The following PAX8 variants were observed in gnomAD, a reference collection of about 807,000 sequenced individuals.
PAX8 encodes the protein paired box protein Pax-8.
Under a neutral mutation model 52.4 loss-of-function variants are expected in PAX8, and 15 were observed. That is an observed-to-expected ratio of 0.29 (90% CI 0.19 to 0.44). The LOEUF is 0.44. PAX8 is among the 20% of genes least tolerant of loss of function. PAX8 has a pLI of 1.00. For synonymous variants in PAX8, 284 were observed against 249.7 expected (o/e 1.14, Z -1.29); for missense variants, 554 against 602.5 (o/e 0.92, Z 0.84).
At chr2:113,274,512 C>T (rs1191703398) in intron 2 of PAX8, 1 of 152,234 alleles carries the variant, frequency 6.6e-6, no homozygotes, top group African/African-American at 2.4e-5. Flanking sequence ...GCTACCTTCT[C>T]CCTTTCTTTC....
rs377714129 is a variant in PAX8, at chr2:113,236,590, G to A, written c.898+11C>T. 105 of 1,560,518 alleles carry A rather than the reference G, an allele frequency of 6.7e-5. No homozygotes were observed. The highest frequency in any genetic ancestry group is 1.8e-5 in the Non-Finnish European group (21 of 1,153,974). The stretch of plus-strand genomic sequence containing the variant: ...GCCCTCCACCTGCCAGGGAGGCTCC[G>A]GGCGTTGTACCTGCCACCACGGGGT... On this transcript the variant is annotated intron_variant, in intron 8 of 11. Transcript: ENST00000429538.
intron 2 of PAX8, among the ~76,000 whole-genome samples, chr2:113,252,429 G>C (rs915534634): frequency 6.6e-6 from 1 of 152,182 alleles, no homozygotes; most frequent in Non-Finnish European, 1.5e-5. Flanking sequence ...GTAAAGGCCA[G>C]GGTCTGTGCC....
intron 9 of PAX8, among the ~76,000 whole-genome samples, chr2:113,230,839 T>A (rs1689846834): frequency 6.6e-6 from 1 of 152,236 alleles, no homozygotes; most frequent in Non-Finnish European, 1.5e-5. Context: ...TTTAAGACTC[T>A]TCATCATAAA....
intron 2 of PAX8, chr2:113,273,272 G>C (rs2104607269): frequency 6.6e-6 from 1 of 152,404 alleles, no homozygotes; most frequent in South Asian, 2.1e-4. Context: ...AGCAGGCTGG[G>C]GGACCAGAAC....
Position 113,264,079 on chromosome 2 carries a change from A to C in PAX8, c.25+14291T>G, listed in dbSNP as rs564089435. On this transcript the variant is annotated intron_variant, in intron 2 of 11. Coordinates refer to ENST00000429538, the MANE Select transcript of PAX8 (RefSeq NM_003466.4). ...TTCCCAGTCTGCAGGAATTACAGGA[A>C]TCTTGTAATCTTTTATCCTCACAGA... is the stretch of plus-strand genomic sequence containing the variant. Among the ~76,000 whole-genome samples the C allele has an allele frequency of 1.8e-3, 274 of 152,330 alleles. 1 individual carries two copies. The highest frequency in any genetic ancestry group is 6.4e-3 in the African/African-American group (266 of 41,574).
Position 113,218,463 on chromosome 2 carries a change from G to T in PAX8, c.*70C>A. 1.1e-5 allele frequency: 9 copies of T among 813,716 alleles called. No individual in the cohort carries two copies. The highest frequency in any genetic ancestry group is 1.7e-5 in the African/African-American group (1 of 57,184). 50.4% of individuals were successfully genotyped at this position (813,716 alleles called of 1,614,324 possible). ...ATGTAATAAATAAAGATTCCTTTGT[G>T]TGACTCTCTGGGGCCTGTCCCAGGC... On this transcript the variant is annotated 3_prime_UTR_variant, in exon 12 of 12. Transcript: ENST00000429538.
At chr2:113,261,202 A>G (rs1024366131) in intron 2 of PAX8, among the ~76,000 whole-genome samples, 19 of 152,106 alleles carry the variant, frequency 1.2e-4, no homozygotes, top group Admixed American at 7.8e-4. Flanking sequence ...GAGAGGAAAC[A>G]GGGGGTGCTG....
intron 10 of PAX8, among the ~76,000 whole-genome samples, chr2:113,222,797 C>A (rs1689341840): frequency 6.6e-6 from 1 of 152,106 alleles, no homozygotes; most frequent in African/African-American, 2.4e-5. Flanking sequence ...CAACTCTGAT[C>A]CCCTCAAGTC....
chr2:113,277,561 C>A (rs1300788053), intron 2 of PAX8, among the ~76,000 whole-genome samples: 1 of 152,214 alleles, frequency 6.6e-6, no homozygotes, highest in Non-Finnish European at 1.5e-5. Flanking sequence ...TCCATCACTG[C>A]GGGCCGCGCT....
intron 2 of PAX8, among the ~76,000 whole-genome samples, chr2:113,255,809 A>G (rs1692203930): frequency 6.6e-6 from 1 of 152,174 alleles, no homozygotes; most frequent in African/African-American, 2.4e-5. Flanking sequence ...TGTTGGGAAG[A>G]TGTTAACATC....
chr2:113,230,105 C>T (rs1168718107), intron 9 of PAX8, among the ~76,000 whole-genome samples: 4 of 152,214 alleles, frequency 2.6e-5, no homozygotes, highest in Admixed American at 6.5e-5. Context: ...TAGGGACCTC[C>T]TGGCACCCAG....
At chr2:113,230,087 T>C (rs1689798962) in intron 9 of PAX8, among the ~76,000 whole-genome samples, 1 of 152,190 alleles carries the variant, frequency 6.6e-6, no homozygotes, top group African/African-American at 2.4e-5. Context: ...GACTACCTGA[T>C]TGGCTGGTAG....
chr2:113,266,050 A>T (rs936748385), intron 2 of PAX8: 4 of 152,244 alleles, frequency 2.6e-5, no homozygotes, highest in African/African-American at 9.7e-5. Context: ...AAAACCTAAG[A>T]TGATCTGGCC....
chr2:113,248,532 G>A (rs757174817), intron 2 of PAX8, among the ~76,000 whole-genome samples: 3 of 152,200 alleles, frequency 2.0e-5, no homozygotes, highest in Non-Finnish European at 4.4e-5. Flanking sequence ...GTTTATGGCC[G>A]AGGGTGGGAA....
chr2:113,263,979 A>G (rs899533719), intron 2 of PAX8, among the ~76,000 whole-genome samples: 3 of 152,210 alleles, frequency 2.0e-5, no homozygotes, highest in Non-Finnish European at 2.9e-5. Context: ...AGAAGAAAAG[A>G]AAGATCCATT....
intron 10 of PAX8, among the ~76,000 whole-genome samples, chr2:113,223,975 T>C (rs941655460): frequency 6.6e-6 from 1 of 151,948 alleles, no homozygotes; most frequent in Non-Finnish European, 1.5e-5. Context: ...GGTGAAAAGA[T>C]GGATGGAAAG....
intron 2 of PAX8, among the ~76,000 whole-genome samples, chr2:113,256,628 ATATG>A (rs1315592036): frequency 2.1e-4 from 28 of 130,336 alleles, no homozygotes; most frequent in East Asian, 1.7e-3. Context: ...ATATATATAT[ATATG>A]TGTGTGTGTG....
At chr2:113,274,289 C>A (rs1693659675) in intron 2 of PAX8, 1 of 152,152 alleles carries the variant, frequency 6.6e-6, no homozygotes, top group African/African-American at 2.4e-5. Context: ...GATCAGCCAG[C>A]TTCCTAAAAT....
intron 4 of PAX8, 43 bp downstream of exon 4, chr2:113,244,384 C>T (rs1378523462): frequency 1.3e-6 from 2 of 1,498,524 alleles, no homozygotes; most frequent in Non-Finnish European, 1.9e-6. Context: ...TCCCCAAAGC[C>T]CAGGGGCCCC....
Sources: gnomAD v4.1 joint callset for allele counts (sites outside exome capture counted in the v4.1 genomes callset) on GRCh38, gnomAD v4.1.1 for gene constraint, MANE v1.5 for transcripts, NCBI Gene and HGNC (gene_info 2026-07-23, HGNC 2026-07-21) for gene names.